Variants in SLC35A3 observed in about 807,000 individuals in gnomAD.
SLC35A3 encodes the protein UDP-N-acetylglucosamine transporter.
In SLC35A3, 26 loss-of-function variants were observed where a neutral mutation model predicts 39.0. The ratio of observed to expected loss-of-function variants is 0.67; its 90% CI spans 0.49 to 0.92. The LOEUF (loss-of-function observed/expected upper bound fraction) is 0.92, where lower values mean the gene tolerates loss of function less well. Ranked by LOEUF, SLC35A3 falls within the 40% of genes least tolerant of loss-of-function variation. The pLI is 0.00. For missense variants in SLC35A3, 299 were observed against 371.6 expected, an observed-to-expected ratio of 0.80 and a Z score of 1.61; for synonymous variants, 135 against 133.1, an observed-to-expected ratio of 1.01 and a Z score of -0.10.
In SLC35A3 at chr1:100,017,874, C is replaced by G. The variant is rs541734968; in HGVS notation, c.887+59C>G. ...AGAAGTATATAGAAAAATTAGAATT[C>G]TTTGTAAGGTGATCTGATAAATTTG... On this transcript the variant is annotated intron_variant, in intron 7 of 7. Transcript: ENST00000533028. 10 of 1,018,870 alleles carry G rather than the reference C, an allele frequency of 9.8e-6. No individual in the cohort carries two copies. In the South Asian group the frequency reaches 1.7e-4, roughly 18 times the overall value. The allele number at this position is 1,018,870 out of a possible 1,614,324, so 63.1% of individuals were successfully genotyped here.
rs1024842200 is a variant in SLC35A3, at chr1:100,026,966, G to T, written c.*4490G>T. On this transcript the variant is annotated 3_prime_UTR_variant, in exon 8 of 8. Coordinates refer to ENST00000533028, the MANE Select transcript of SLC35A3 (RefSeq NM_012243.3). ...TATTGAAATAGATTATTTTCATAAAGAACTCTATACAAATCTTTTTCTATA... is the reference window on the plus strand; with the variant it reads ...TATTGAAATAGATTATTTTCATAAATAACTCTATACAAATCTTTTTCTATA... The T allele has an allele frequency of 5.2e-6, 2 of 383,392 alleles. No homozygotes were observed. The highest frequency in any genetic ancestry group is 9.2e-6 in the Non-Finnish European group (2 of 217,382). The allele number at this position is 383,392 out of a possible 1,614,324, so 23.7% of individuals were successfully genotyped here. A position where few individuals can be genotyped will look rare whatever the true frequency, so the allele number is the denominator to read the frequency against.
chr1:99,987,677 A>G (rs79364270), intron 1 of SLC35A3, among the ~76,000 whole-genome samples: 6,721 of 152,244 alleles, frequency 0.044, 174 homozygotes, highest in African/African-American at 0.06. Flanking sequence ...ATATATTACA[A>G]TAATTAGGAG....
At chr1:99,972,648 A>G (rs981003670) in intron 1 of SLC35A3, among the ~76,000 whole-genome samples, 2 of 152,050 alleles carry the variant, frequency 1.3e-5, no homozygotes, top group African/African-American at 4.8e-5. Context: ...TACTTACTAC[A>G]TTTTTAAAGC....
chr1:99,987,244 G>A lies in SLC35A3; in HGVS notation c.-18-6293G>A, dbSNP rs1456926027. On this transcript the variant is annotated intron_variant, in intron 1 of 7. Transcript: ENST00000533028. ...TTAAAGTGAAGAAATTATATTAGAT[G>A]ATTTCTAAAACATATTATACCTCTA... Among the ~76,000 whole-genome samples, 3 of 152,282 alleles carry A rather than the reference G, an allele frequency of 2.0e-5. No individual in the cohort carries two copies. In the East Asian group the frequency reaches 5.8e-4, roughly 29 times the overall value.
intron 1 of SLC35A3, among the ~76,000 whole-genome samples, chr1:99,979,430 C>CT (rs755564922): frequency 0.012 from 1,631 of 136,316 alleles, 17 homozygotes; most frequent in Middle Eastern, 0.061. Context: ...CCTTTTCTTT[C>CT]TTTTTTTTTT....
At chr1:99,995,296 G>A (rs1414224221) in intron 2 of SLC35A3, among the ~76,000 whole-genome samples, 1 of 151,858 alleles carries the variant, frequency 6.6e-6, no homozygotes, top group Non-Finnish European at 1.5e-5. Context: ...GTGATTACAG[G>A]TGCATGCTAC....
intron 3 of SLC35A3, among the ~76,000 whole-genome samples, chr1:100,005,389 T>C (rs1384141039): frequency 6.6e-6 from 1 of 152,254 alleles, no homozygotes; most frequent in Non-Finnish European, 1.5e-5. Context: ...CCAACAAATG[T>C]TTTTCCCCAC....
At chr1:99,993,475 A>G in intron 1 of SLC35A3, 62 bp from the exon 2 acceptor site, 1 of 1,396,854 alleles carries the variant, frequency 7.2e-7, no homozygotes, top group Admixed American at 2.1e-5. Context: ...CGGTGTTTTT[A>G]AATATACTAG....
At chr1:99,991,694 T>C (rs1360081076) in intron 1 of SLC35A3, among the ~76,000 whole-genome samples, 1 of 152,194 alleles carries the variant, frequency 6.6e-6, no homozygotes, top group Admixed American at 6.5e-5. Flanking sequence ...AGGAAAGCAG[T>C]CAGGTATTAG....
chr1:99,977,834 TG>T (rs1416828681), intron 1 of SLC35A3, among the ~76,000 whole-genome samples: 1 of 152,222 alleles, frequency 6.6e-6, no homozygotes, highest in African/African-American at 2.4e-5. Context: ...ACACCGTGCC[TG>T]GCCCTCGTAT....
intron 2 of SLC35A3, among the ~76,000 whole-genome samples, chr1:99,996,050 A>G (rs1658380908): frequency 6.6e-6 from 1 of 152,216 alleles, no homozygotes; most frequent in Non-Finnish European, 1.5e-5. Context: ...TGGTAAAACC[A>G]ACTTTTCAGT....
intron 1 of SLC35A3, among the ~76,000 whole-genome samples, chr1:99,978,461 A>G (rs1373745706): frequency 1.3e-5 from 2 of 152,232 alleles, no homozygotes. Flanking sequence ...CAGGAGGTAG[A>G]GGCAGCAGTG....
chr1:100,007,137 C>T lies in SLC35A3; in HGVS notation c.446C>T (p.Thr149Ile), dbSNP rs1557838931. 2 of 1,610,228 alleles carry T rather than the reference C, an allele frequency of 1.2e-6. No homozygotes were observed. The highest frequency in any genetic ancestry group is 1.3e-5 in the African/African-American group (1 of 74,882). Residue 149 changes from threonine to isoleucine, a missense_variant, in exon 4 of 8, where the codon ACA becomes ATA. By Grantham distance (89) the Thr-to-Ile change is moderately conservative (BLOSUM62 -1). Coordinates refer to ENST00000533028, the MANE Select transcript of SLC35A3 (RefSeq NM_012243.3). ...YQWLSLVILM[T>I]GVAFVQWPSD... ...TGGCTGTCCCTAGTAATTTTGATGA[C>T]AGGAGTTGCTTTTGTACAGGTAACT...
At chr1:100,013,999 C>T (rs546877598) in intron 5 of SLC35A3, among the ~76,000 whole-genome samples, 32 of 152,206 alleles carry the variant, frequency 2.1e-4, no homozygotes, top group African/African-American at 6.7e-4. Context: ...TTAATAGCCT[C>T]GCAATGCTTC....
chr1:100,034,857 C>T lies in SLC35A3; in HGVS notation c.*12381C>T, dbSNP rs1284347699. 3 of 152,176 alleles carry T rather than the reference C, an allele frequency of 2.0e-5. No homozygotes were observed. In the East Asian group the frequency reaches 5.8e-4, roughly 29 times the overall value. 9.4% of individuals were successfully genotyped at this position (152,176 alleles called of 1,614,324 possible). On this transcript the variant is annotated 3_prime_UTR_variant, in exon 8 of 8. Coordinates refer to ENST00000533028, the MANE Select transcript of SLC35A3 (RefSeq NM_012243.3). ...GTGCCTCATGAACTGTTTTCATGAA[C>T]TTTCCAAACATTGGTTTCTGCTTGT...
rs1178066509 is a variant in SLC35A3 at position 100,022,947 on chromosome 1, A to C, written c.*471A>C. ...TGTGAAAAATAGAAGTATAATTTGA[A>C]AAAACATTTCACTTATCAGAGATTT... On this transcript the variant is annotated 3_prime_UTR_variant, in exon 8 of 8. Transcript: ENST00000533028. 1 of 152,670 alleles carries C rather than the reference A, an allele frequency of 6.6e-6. No homozygotes were observed. Among genetic ancestry groups the C allele is most frequent in the Non-Finnish European group, 1.5e-5 (1 of 68,050 alleles). The allele number at this position is 152,670 out of a possible 1,614,324, so 9.5% of individuals were successfully genotyped here.
chr1:100,015,756 C>T (rs1410945409), intron 6 of SLC35A3: 4 of 251,642 alleles, frequency 1.6e-5, no homozygotes, highest in Admixed American at 5.4e-5. Context: ...CATTAAGACC[C>T]AGGAAGCAGA....
At chr1:99,983,242 A>G (rs549857073) in intron 1 of SLC35A3, among the ~76,000 whole-genome samples, 3 of 151,926 alleles carry the variant, frequency 2.0e-5, no homozygotes, top group Admixed American at 6.6e-5. Flanking sequence ...GGTAATGGCT[A>G]CAAAAATACG....
chr1:100,007,750 G>A lies in SLC35A3; in HGVS notation c.465+594G>A, dbSNP rs113658116. ...TAGTCTCTCAAACTTCTGGGCTGAA[G>A]TGATCATCCTGCCTCAGCCTCCCAA... is the stretch of plus-strand genomic sequence containing the variant. On this transcript the variant is annotated intron_variant, in intron 4 of 7. Transcript: ENST00000533028. 1,160 of 152,326 alleles carry A rather than the reference G, an allele frequency of 7.6e-3. 18 individuals are homozygous for A. The highest frequency in any genetic ancestry group is 8.2e-3 in the Non-Finnish European group (556 of 68,212). 9.4% of individuals were successfully genotyped at this position (152,326 alleles called of 1,614,324 possible).
Sources: allele counts gnomAD v4.1 joint callset (sites outside exome capture counted in the v4.1 genomes callset), GRCh38; gene constraint gnomAD v4.1.1; transcripts MANE v1.5; gene names NCBI Gene and HGNC (gene_info 2026-07-23, HGNC 2026-07-21).